FOXP2: variants seen among roughly 807,000 people sequenced by gnomAD.
FOXP2 encodes the protein forkhead box P2, also known as forkhead box protein P2.
A neutral mutation model predicts 115.8 loss-of-function variants in FOXP2; 12 were observed. That is an observed-to-expected ratio of 0.10 (90% confidence interval 0.07 to 0.17). The LOEUF (loss-of-function observed/expected upper bound fraction) is 0.17, where lower values mean the gene tolerates loss of function less well. Ranked by LOEUF, FOXP2 falls within the 10% of genes least tolerant of loss-of-function variation. The pLI is 1.00. For synonymous variants in FOXP2, 328 were observed against 297.7 expected, an observed-to-expected ratio of 1.10 and a Z score of -1.05; for missense variants, 629 against 843.5, an observed-to-expected ratio of 0.75 and a Z score of 3.15.
At chr7:114,502,785 G>A (rs986895757) in intron 2 of FOXP2, among the ~76,000 whole-genome samples, 8 of 152,002 alleles carry the variant, frequency 5.3e-5, no homozygotes, top group African/African-American at 1.4e-4. Flanking sequence ...CATCAGGGAC[G>A]CTGAGCTATG....
At chr7:114,498,997 A>G in intron 2 of FOXP2, 1 of 715,278 alleles carries the variant, frequency 1.4e-6, no homozygotes, top group Non-Finnish European at 2.6e-6. Context: ...CAGCAACAGC[A>G]TCACCGGGAA....
intron 2 of FOXP2, among the ~76,000 whole-genome samples, chr7:114,430,279 A>T (rs1287018751): frequency 6.6e-6 from 1 of 151,800 alleles, no homozygotes; most frequent in Non-Finnish European, 1.5e-5. Context: ...ACAAAGTATA[A>T]TGAAATTACA....
chr7:114,223,581 T>C (rs919330689), intron 1 of FOXP2, among the ~76,000 whole-genome samples: 6 of 147,158 alleles, frequency 4.1e-5, no homozygotes, highest in African/African-American at 1.5e-4. Flanking sequence ...TACCAGTTTA[T>C]GGGTGTATAT....
intron 1 of FOXP2, among the ~76,000 whole-genome samples, chr7:114,166,507 AT>A (rs1344044523): frequency 6.6e-6 from 1 of 152,168 alleles, no homozygotes; most frequent in Non-Finnish European, 1.5e-5. Context: ...GATCAAGACC[AT>A]CCTGGCTAAC....
chr7:114,243,924 T>TG (rs1554353976), intron 1 of FOXP2, among the ~76,000 whole-genome samples: 80 of 151,958 alleles, frequency 5.3e-4, no homozygotes, highest in Non-Finnish European at 3.2e-4. Flanking sequence ...TTGTTTTTTT[T>TG]TTTTGTTTTG....
At chr7:114,122,382 G>C (rs1450492101) in intron 1 of FOXP2, among the ~76,000 whole-genome samples, 1 of 147,576 alleles carries the variant, frequency 6.8e-6, no homozygotes, top group Non-Finnish European at 1.5e-5. Flanking sequence ...TACAATCTTT[G>C]TATCGCTCCC....
chr7:114,471,599 A>C (rs1422182686), intron 2 of FOXP2, among the ~76,000 whole-genome samples: 1 of 152,104 alleles, frequency 6.6e-6, no homozygotes, highest in Non-Finnish European at 1.5e-5. Flanking sequence ...TTCCCATTAG[A>C]ATTTATTACC....
intron 2 of FOXP2, among the ~76,000 whole-genome samples, chr7:114,309,336 C>T (rs116598603): frequency 0.015 from 2,263 of 152,276 alleles, 23 homozygotes; most frequent in African/African-American, 0.026. Flanking sequence ...TTGACAATCA[C>T]CGTACGAAGT....
chr7:114,255,883 T>C (rs1225385992), intron 1 of FOXP2, among the ~76,000 whole-genome samples: 1 of 152,178 alleles, frequency 6.6e-6, no homozygotes, highest in Non-Finnish European at 1.5e-5. Context: ...TCTGCATTGC[T>C]CACGCTAGGA....
chr7:114,453,713 G>T lies in FOXP2; in HGVS notation c.168+27034G>T, dbSNP rs564850197. Among the ~76,000 whole-genome samples, 27 of 151,816 alleles carry T rather than the reference G, an allele frequency of 1.8e-4. No individual in the cohort carries two copies. The East Asian group carries it at 5.2e-3, about 29-fold the overall frequency. Reference sequence around the variant, plus strand: ...CCTCTCTATTCTTGGTCTTTTTGTGGGAATCTGTTTCTATATCTCCCTTAA... The same window carrying T: ...CCTCTCTATTCTTGGTCTTTTTGTGTGAATCTGTTTCTATATCTCCCTTAA... On this transcript the variant is annotated intron_variant, in intron 2 of 16. Coordinates refer to ENST00000350908, the MANE Select transcript of FOXP2 (RefSeq NM_014491.4).
intron 1 of FOXP2, among the ~76,000 whole-genome samples, chr7:114,115,827 C>G (rs1344511154): frequency 6.6e-6 from 1 of 152,098 alleles, no homozygotes; most frequent in Non-Finnish European, 1.5e-5. Flanking sequence ...TTTGTTTTGC[C>G]TCAGTTTGAA....
At chr7:114,676,354 G>A (rs1807763913) in intron 16 of FOXP2, among the ~76,000 whole-genome samples, 1 of 152,060 alleles carries the variant, frequency 6.6e-6, no homozygotes, top group African/African-American at 2.4e-5. Flanking sequence ...TATATTGAAT[G>A]GGTAATAGAT....
intron 16 of FOXP2, among the ~76,000 whole-genome samples, chr7:114,682,457 C>A (rs953632107): frequency 6.6e-6 from 1 of 152,060 alleles, no homozygotes; most frequent in Non-Finnish European, 1.5e-5. Flanking sequence ...AAGAGAGTTT[C>A]TTTAAAGGGA....
intron 3 of FOXP2, among the ~76,000 whole-genome samples, chr7:114,603,513 C>G: frequency 6.6e-6 from 1 of 152,160 alleles, no homozygotes; most frequent in East Asian, 1.9e-4. Context: ...TACCTGATTT[C>G]TCATTGGAAG....
chr7:114,519,718 G>A (rs941848448), intron 2 of FOXP2, among the ~76,000 whole-genome samples: 6 of 152,066 alleles, frequency 3.9e-5, no homozygotes, highest in Non-Finnish European at 4.4e-5. Flanking sequence ...TTTGAGGGGG[G>A]CAGCAAAATC....
intron 3 of FOXP2, among the ~76,000 whole-genome samples, chr7:114,604,723 C>T (rs936383835): frequency 2.6e-5 from 4 of 152,100 alleles, no homozygotes; most frequent in Non-Finnish European, 5.9e-5. Flanking sequence ...TCAAATGAGT[C>T]CGGGTAAATT....
chr7:114,642,797 TATA>T (rs1659145475), intron 7 of FOXP2, among the ~76,000 whole-genome samples, 174 bp downstream of exon 7: 4 of 40,882 alleles, frequency 9.8e-5, no homozygotes, highest in Middle Eastern at 0.011. Context: ...TATATATATA[TATA>T]TATATATATA....
chr7:114,458,957 G>A lies in FOXP2; in HGVS notation c.168+32278G>A, dbSNP rs73434183. 5.9e-5 allele frequency among the ~76,000 whole-genome samples: 9 copies of A among 152,054 alleles called. No individual in the cohort carries two copies. The South Asian group carries it at 6.2e-4, about 11-fold the overall frequency. Reference sequence around the variant, plus strand: ...CTAGTAATAGGCTGAGGTCACTCACGTGGTGGCTGGCTTCATCCGGAGGTG... The same window carrying A: ...CTAGTAATAGGCTGAGGTCACTCACATGGTGGCTGGCTTCATCCGGAGGTG... On this transcript the variant is annotated intron_variant, in intron 2 of 16. Coordinates refer to ENST00000350908, the MANE Select transcript of FOXP2 (RefSeq NM_014491.4).
At chr7:114,437,046 T>C (rs1278457498) in intron 2 of FOXP2, among the ~76,000 whole-genome samples, 1 of 152,228 alleles carries the variant, frequency 6.6e-6, no homozygotes, top group Non-Finnish European at 1.5e-5. Flanking sequence ...TGAAAACTTA[T>C]TCATTCTTTA....
Sources: gnomAD v4.1 joint callset for allele counts (sites outside exome capture counted in the v4.1 genomes callset) on GRCh38, gnomAD v4.1.1 for gene constraint, MANE v1.5 for transcripts, NCBI Gene and HGNC (gene_info 2026-07-23, HGNC 2026-07-21) for gene names.